The following SH2B1 variants were observed in gnomAD, a reference collection of about 807,000 sequenced individuals.
SH2B1 encodes the protein SH2B adapter protein 1.
SH2B1 carries 15 observed loss-of-function variants against 62.6 expected under a neutral mutation model. The observed-to-expected ratio is 0.24, with a 90% CI of 0.16 to 0.37. SH2B1 has a LOEUF of 0.37. Among genes scored for constraint, SH2B1 ranks in the 10% least tolerant of loss-of-function variants. The probability of loss-of-function intolerance (pLI) is 1.00; values close to 1 mark genes in which losing one functional copy is unlikely to be tolerated. For synonymous variants in SH2B1, 443 were observed against 438.0 expected, an observed-to-expected ratio of 1.01 and a Z score of -0.14; for missense variants, 925 against 1,015.6, an observed-to-expected ratio of 0.91 and a Z score of 1.21.
In SH2B1 at chr16:28,866,509, TCCTCCTCTACAA is replaced by T. The variant is rs1230149903; in HGVS notation, c.423_434del (p.Thr142_Ser145del). On this transcript the variant is annotated inframe_deletion, in exon 1 of 8. Transcript: ENST00000684370. This position sits in a 1 kb window ranked among gnomAD's most constrained non-coding sequence, Gnocchi z 6.3. ...CGGCCCCCTCCCTTCCTCAGTCTCT[TCCTCCTCTACAA>T]CCTCCTCCAAGCCGAAGCTCAAGAA... 1 of 1,613,886 alleles carries T rather than the reference TCCTCCTCTACAA, an allele frequency of 6.2e-7. No individual in the cohort carries two copies. Among genetic ancestry groups the T allele is most frequent in the African/African-American group, 1.3e-5 (1 of 74,886 alleles).
At chr16:28,863,693 C>T (rs371241230), upstream of SH2B1, 13 of 1,535,670 alleles carry the variant, frequency 8.5e-6, no homozygotes, top group East Asian at 2.4e-5. Context: ...GCACTGAAGC[C>T]CTACGAGATT....
upstream of SH2B1, among the ~76,000 whole-genome samples, chr16:28,860,461 T>C (rs1161025808): frequency 2.0e-5 from 3 of 152,076 alleles, no homozygotes; most frequent in Non-Finnish European, 4.4e-5. Flanking sequence ...CAGGCGGGTC[T>C]CAAACTCCTG....
At chr16:28,850,382 G>C (rs569788331) in intron 1 of SH2B1, among the ~76,000 whole-genome samples, 1 of 152,296 alleles carries the variant, frequency 6.6e-6, no homozygotes, top group East Asian at 1.9e-4. Flanking sequence ...AAAATAGTGA[G>C]ACCTTGTCTC....
chr16:28,866,886 C>T lies in SH2B1; in HGVS notation c.792C>T (p.Asp264=), dbSNP rs1410278333. The T allele has an allele frequency of 6.2e-7, 1 of 1,611,556 alleles. No homozygotes were observed. Among genetic ancestry groups the T allele is most frequent in the South Asian group, 1.1e-5 (1 of 90,766 alleles). Residue 264 remains aspartate, a synonymous_variant, in exon 1 of 8, where the codon GAC becomes GAT. Transcript: ENST00000684370. This position sits in a 1 kb window ranked among gnomAD's most constrained non-coding sequence, Gnocchi z 6.3. ...TGGGGGCTGAGGAGGCAGCCCCTGA[C>T]CCAGCCGGAGTGGGCCGGGGAGGAG... ...SFMGAEEAAP[D]PAGVGRGGGV...
chr16:28,852,188 ATT>A lies in SH2B1; in HGVS notation c.-301+5365_-301+5366del, dbSNP rs976201016. Among the ~76,000 whole-genome samples, 91 of 133,904 alleles carry A rather than the reference ATT, an allele frequency of 6.8e-4. 7 individuals are homozygous for A. Among genetic ancestry groups the A allele is most frequent in the African/African-American group, 2.5e-3 (84 of 33,704 alleles). 87.8% of individuals were successfully genotyped at this position (133,904 alleles called of 152,430 possible). ...AGACTCCGTATCCAAAAATATATAT[ATT>A]TTTATTTATATATTTACATATATAT... On this transcript the variant is annotated intron_variant, in intron 1 of 10. Transcript: ENST00000322610.
At chr16:28,860,879 T>A (rs528619738), upstream of SH2B1, among the ~76,000 whole-genome samples, 1 of 143,394 alleles carries the variant, frequency 7.0e-6, no homozygotes, top group Non-Finnish European at 1.5e-5. Flanking sequence ...TGCAGTGGCA[T>A]GATCTTGGCT....
chr16:28,854,035 C>T (rs1596612226), intron 1 of SH2B1, among the ~76,000 whole-genome samples: 1 of 134,964 alleles, frequency 7.4e-6, no homozygotes, highest in African/African-American at 2.7e-5. Flanking sequence ...AAAAGTGCAT[C>T]ATCTCAGAAC....
At chr16:28,869,816 C>T (rs1962935593) in intron 4 of SH2B1, among the ~76,000 whole-genome samples, 1 of 152,150 alleles carries the variant, frequency 6.6e-6, no homozygotes, top group South Asian at 2.1e-4. Flanking sequence ...CATACCCGAC[C>T]CACACACACA....
chr16:28,866,259 T>C lies in SH2B1; in HGVS notation c.165T>C (p.Tyr55=). The part of the protein sequence containing the change: ...FRLYLASHPQ[Y]AGPGAEAAFS... ...TCTACCTGGCCTCCCACCCCCAATA[T>C]GCGGGGCCCGGGGCCGAGGCTGCCT... The change falls in exon 1 of 8, where the codon TAT becomes TAC. Residue 55 remains tyrosine (Y), a synonymous_variant. Coordinates refer to ENST00000684370, the MANE Select transcript of SH2B1 (RefSeq NM_001387430.1). The surrounding 1 kb of genome is among the most constrained non-coding windows in gnomAD (Gnocchi z 6.3). 2 of 1,610,696 alleles carry C rather than the reference T, an allele frequency of 1.2e-6. No homozygotes were observed. Among genetic ancestry groups the C allele is most frequent in the Middle Eastern group, 1.7e-4 (1 of 6,048 alleles).
At position 28,871,958 on chromosome 16, in the gene SH2B1, C is replaced by T; in HGVS notation, c.1488C>T (p.Pro496=). The change falls in exon 5 of 8, where the codon CCC becomes CCT. Residue 496 remains proline, a synonymous_variant. Transcript: ENST00000684370. ...ATCCCCTCTCAGCCCCCTACCCTCCCTTGGACACTCCGGAAACAGCCACAG... is the reference window on the plus strand; with the variant it reads ...ATCCCCTCTCAGCCCCCTACCCTCCTTTGGACACTCCGGAAACAGCCACAG... The part of the protein sequence containing the change: ...TVHPLSAPYP[P]LDTPETATGS... The T allele has an allele frequency of 6.2e-7, 1 of 1,608,992 alleles. No individual in the cohort carries two copies. Among genetic ancestry groups the T allele is most frequent in the Non-Finnish European group, 8.5e-7 (1 of 1,175,662 alleles).
chr16:28,856,003 G>A (rs1256442598), intron 1 of SH2B1, among the ~76,000 whole-genome samples: 1 of 149,814 alleles, frequency 6.7e-6, no homozygotes, highest in Non-Finnish European at 1.5e-5. Context: ...CCGGCCAGGC[G>A]TGGTGGCTCA....
upstream of SH2B1, among the ~76,000 whole-genome samples, chr16:28,859,103 G>C (rs1596614850): frequency 6.6e-6 from 1 of 151,862 alleles, no homozygotes; most frequent in East Asian, 1.9e-4. Context: ...CACCCAACCT[G>C]GCTAATTTTT....
At position 28,872,152 on chromosome 16, in the gene SH2B1, C is replaced by G. The variant is rs1355674462; in HGVS notation, c.1514-38C>G. 6.3e-7 allele frequency: 1 copy of G among 1,590,442 alleles called. No homozygotes were observed. The highest frequency in any genetic ancestry group is 8.6e-7 in the Non-Finnish European group (1 of 1,163,486). ...TTCTCCCAGGATGGGGGAGGCTGCC[C>G]TGACACCCCGGTTTCCCTCCCTCTC... On this transcript the variant is annotated intron_variant, in intron 5 of 7. Transcript: ENST00000684370. This position sits in a 1 kb window ranked among gnomAD's most constrained non-coding sequence, Gnocchi z 5.3.
Position 28,852,473 on chromosome 16 carries a change from T to C in SH2B1, c.-301+5646T>C, listed in dbSNP as rs866076535. Among the ~76,000 whole-genome samples, 204 of 77,214 alleles carry C rather than the reference T, an allele frequency of 2.6e-3. 48 individuals carry two copies. The highest frequency in any genetic ancestry group is 4.5e-3 in the African/African-American group (74 of 16,362). 50.7% of individuals were successfully genotyped at this position (77,214 alleles called of 152,430 possible). A position where few individuals can be genotyped will look rare whatever the true frequency, so the allele number is the denominator to read the frequency against. On this transcript the variant is annotated intron_variant, in intron 1 of 10. Coordinates refer to the SH2B1 transcript ENST00000322610. ...TTACATATATATTTATATATATACA[T>C]ATATATTTATATATACATACATATA...
chr16:28,859,452 T>G (rs569908093), upstream of SH2B1, among the ~76,000 whole-genome samples: 152 of 152,222 alleles, frequency 1.0e-3, no homozygotes, highest in Non-Finnish European at 8.2e-4. Flanking sequence ...CTGTAGCTAT[T>G]GGGAAAGCTA....
In SH2B1 at chr16:28,863,985, T is replaced by G; in HGVS notation, c.-2110T>G. 3.7e-6 allele frequency: 5 copies of G among 1,358,432 alleles called. No homozygotes were observed. The highest frequency in any genetic ancestry group is 4.7e-6 in the Non-Finnish European group (5 of 1,053,558). The allele number at this position is 1,358,432 out of a possible 1,614,324, so 84.1% of individuals were successfully genotyped here. A position where few individuals can be genotyped will look rare whatever the true frequency, so the allele number is the denominator to read the frequency against. ...GGAACCCCCCTCTTCAAGTACCTTT[T>G]CCCTCTCCGCGACCCGGCCCTGGCG... On this transcript the variant is annotated 5_prime_UTR_variant, in exon 1 of 8. Transcript: ENST00000684370.
At chr16:28,861,927 G>A (rs1189876059), upstream of SH2B1, among the ~76,000 whole-genome samples, 1 of 152,250 alleles carries the variant, frequency 6.6e-6, no homozygotes, top group Non-Finnish European at 1.5e-5. Flanking sequence ...GGAGCTACAA[G>A]AAGCTATTTT....
chr16:28,865,039 T>C lies in SH2B1; in HGVS notation c.-1056T>C. The C allele has an allele frequency of 1.0e-6, 1 of 974,864 alleles. No individual in the cohort carries two copies. Among genetic ancestry groups the C allele is most frequent in the South Asian group, 4.8e-5 (1 of 21,042 alleles). The allele number at this position is 974,864 out of a possible 1,614,324, so 60.4% of individuals were successfully genotyped here. A position where few individuals can be genotyped will look rare whatever the true frequency, so the allele number is the denominator to read the frequency against. ...GCTGGACTGGGTGCTCATAAGGTGG[T>C]TTGAGCCCTGGTCTGACTCAAGTCC... On this transcript the variant is annotated 5_prime_UTR_variant, in exon 1 of 8. Transcript: ENST00000684370.
rs745489496 is a variant in SH2B1, at chr16:28,848,668, CTT to C, written c.-301+1862_-301+1863del. ...CAAAAAGTGTGCACACCGCACTGTC[CTT>C]TTTTTTTTTTTTTTTTTTTTGAGAC... On this transcript the variant is annotated intron_variant, in intron 1 of 10. Coordinates refer to the SH2B1 transcript ENST00000322610. Among the ~76,000 whole-genome samples, 394 of 109,204 alleles carry C rather than the reference CTT, an allele frequency of 3.6e-3. 2 individuals carry two copies. Among genetic ancestry groups the C allele is most frequent in the Admixed American group, 4.0e-3 (40 of 10,088 alleles). The allele number at this position is 109,204 out of a possible 152,430, so 71.6% of individuals were successfully genotyped here. A position where few individuals can be genotyped will look rare whatever the true frequency, so the allele number is the denominator to read the frequency against.
Sources: allele counts gnomAD v4.1 joint callset (sites outside exome capture counted in the v4.1 genomes callset), GRCh38; gene constraint gnomAD v4.1.1; non-coding constraint Gnocchi (gnomAD v3.1); transcripts MANE v1.5; gene names NCBI Gene and HGNC (gene_info 2026-07-23, HGNC 2026-07-21).